Variants in SORCS1 observed in about 807,000 individuals in gnomAD.
SORCS1 encodes sortilin related VPS10 domain containing receptor 1.
A neutral mutation model predicts 146.1 loss-of-function variants in SORCS1; 60 were observed. The ratio of observed to expected loss-of-function variants is 0.41; its 90% CI spans 0.33 to 0.51. The LOEUF (loss-of-function observed/expected upper bound fraction) is 0.51. SORCS1 is among the 20% of genes least tolerant of loss of function. SORCS1 has a pLI of 0.21. For synonymous variants in SORCS1, 637 were observed against 584.0 expected (o/e 1.09, Z -1.31); for missense variants, 1,352 against 1,487.6 (o/e 0.91, Z 1.50).
At chr10:107,089,734 T>C (rs533535661) in intron 1 of SORCS1, among the ~76,000 whole-genome samples, 1 of 152,322 alleles carries the variant, frequency 6.6e-6, no homozygotes, top group South Asian at 2.1e-4. Flanking sequence ...ATTCCAGGTG[T>C]AAAATGAATA....
At chr10:106,608,104 G>A (rs1206955764) in intron 22 of SORCS1, among the ~76,000 whole-genome samples, 1 of 152,158 alleles carries the variant, frequency 6.6e-6, no homozygotes, top group Non-Finnish European at 1.5e-5. Flanking sequence ...TATAATCCCA[G>A]CTTCTCTCTC....
At chr10:107,124,988 C>T (rs1345909524) in intron 1 of SORCS1, among the ~76,000 whole-genome samples, 2 of 128,678 alleles carry the variant, frequency 1.6e-5, no homozygotes, top group Non-Finnish European at 3.1e-5. Context: ...GAGTCTTGCT[C>T]TGTTGCCAGG....
chr10:107,092,375 G>T (rs905555633), intron 1 of SORCS1, among the ~76,000 whole-genome samples: 18 of 152,206 alleles, frequency 1.2e-4, no homozygotes, highest in Admixed American at 2.0e-4. Flanking sequence ...ATTGTTTATG[G>T]TTGTGGAAGC....
At chr10:106,972,004 T>G (rs1232972499) in intron 1 of SORCS1, among the ~76,000 whole-genome samples, 1 of 152,212 alleles carries the variant, frequency 6.6e-6, no homozygotes, top group African/African-American at 2.4e-5. Context: ...AGAGCCAATT[T>G]TAACACTTTG....
chr10:106,631,250 C>G (rs1848424272), intron 18 of SORCS1, among the ~76,000 whole-genome samples: 1 of 152,198 alleles, frequency 6.6e-6, no homozygotes, highest in South Asian at 2.1e-4. Flanking sequence ...AAATTCTCCC[C>G]TAGGGTAAAC....
At chr10:106,868,411 A>G (rs551875714) in intron 2 of SORCS1, among the ~76,000 whole-genome samples, 1 of 152,324 alleles carries the variant, frequency 6.6e-6, no homozygotes, top group Admixed American at 6.5e-5. Flanking sequence ...TCATCGTCAT[A>G]TGGTGCATAA....
intron 1 of SORCS1, among the ~76,000 whole-genome samples, chr10:107,076,197 A>G (rs1414397503): frequency 6.6e-6 from 1 of 152,138 alleles, no homozygotes; most frequent in Non-Finnish European, 1.5e-5. Context: ...CTAGAACATT[A>G]GTACTATGAG....
intron 1 of SORCS1, among the ~76,000 whole-genome samples, chr10:107,015,752 GA>G (rs1957870381): frequency 6.6e-6 from 1 of 152,190 alleles, no homozygotes; most frequent in Non-Finnish European, 1.5e-5. Flanking sequence ...TGATGAATTA[GA>G]AGAGTTCATT....
At chr10:106,607,386 G>T in intron 22 of SORCS1, 89 bp from the exon 23 acceptor site, 2 of 1,528,382 alleles carry the variant, frequency 1.3e-6, no homozygotes, top group Admixed American at 2.0e-5. Context: ...TCAGGGGTAG[G>T]CAGAAGACAC....
At chr10:106,690,171 G>A (rs543798489) in intron 9 of SORCS1, among the ~76,000 whole-genome samples, 15 of 152,282 alleles carry the variant, frequency 9.9e-5, no homozygotes, top group East Asian at 3.9e-4. Flanking sequence ...CACCAGCTCC[G>A]CAAGGGCTTC....
At chr10:107,003,305 A>C (rs922133323) in intron 1 of SORCS1, among the ~76,000 whole-genome samples, 2 of 152,186 alleles carry the variant, frequency 1.3e-5, no homozygotes, top group Non-Finnish European at 2.9e-5. Flanking sequence ...CAGCATAAGT[A>C]ATATATTTGC....
At chr10:106,819,474 A>C (rs1947908200) in intron 3 of SORCS1, among the ~76,000 whole-genome samples, 1 of 152,176 alleles carries the variant, frequency 6.6e-6, no homozygotes, top group South Asian at 2.1e-4. Flanking sequence ...AGTGACAGGA[A>C]ATAGGTGCTG....
chr10:106,771,153 A>C (rs1859992137), intron 4 of SORCS1, among the ~76,000 whole-genome samples: 1 of 152,122 alleles, frequency 6.6e-6, no homozygotes, highest in Non-Finnish European at 1.5e-5. Context: ...CAGAGGCTCC[A>C]AGAGCCCTTA....
chr10:106,889,775 CT>C (rs1456920029), intron 2 of SORCS1, among the ~76,000 whole-genome samples: 4 of 151,562 alleles, frequency 2.6e-5, no homozygotes, highest in Non-Finnish European at 5.9e-5. Context: ...GTCCCAGCTA[CT>C]CGGGAGGCTG....
At chr10:106,697,359 G>T (rs1350882868) in intron 9 of SORCS1, among the ~76,000 whole-genome samples, 1 of 151,982 alleles carries the variant, frequency 6.6e-6, no homozygotes, top group Non-Finnish European at 1.5e-5. Flanking sequence ...GGGAGGCTGA[G>T]GAAGGAGAAT....
rs908677195 is a variant in SORCS1 at position 106,677,197 on chromosome 10, A to G, written c.1832+116T>C. The G allele has an allele frequency of 5.2e-5, 51 of 974,322 alleles. No homozygotes were observed. The Middle Eastern group carries it at 1.4e-3, about 28-fold the overall frequency. The allele number at this position is 974,322 out of a possible 1,614,324, so 60.4% of individuals were successfully genotyped here. On this transcript the variant is annotated intron_variant, in intron 13 of 25. Coordinates refer to ENST00000263054, the MANE Select transcript of SORCS1 (RefSeq NM_052918.5). ...AACAGGACCTGAACCAAACCTCGGC[A>G]TTTTGGTAACAGATTTACTACAGAA... is the stretch of plus-strand genomic sequence containing the variant.
intron 2 of SORCS1, among the ~76,000 whole-genome samples, chr10:106,937,109 A>C (rs1436846972): frequency 6.6e-6 from 1 of 152,026 alleles, no homozygotes; most frequent in Non-Finnish European, 1.5e-5. Flanking sequence ...GAGGTAACTG[A>C]ATCATGGGGG....
rs537769009 is a variant in SORCS1, at chr10:107,119,492, G to A, written c.558+44477C>T. On this transcript the variant is annotated intron_variant, in intron 1 of 25. Transcript: ENST00000263054. ...TAATCAGAAATATCTTACTGTGGCT[G>A]AGGCTTTGAAAATGTTACTTTGCTT... 3.3e-5 allele frequency among the ~76,000 whole-genome samples: 5 copies of A among 152,328 alleles called. No homozygotes were observed. In the East Asian group the frequency reaches 5.8e-4, roughly 18 times the overall value.
chr10:107,131,699 A>G (rs931043058), intron 1 of SORCS1, among the ~76,000 whole-genome samples: 1 of 152,200 alleles, frequency 6.6e-6, no homozygotes, highest in Non-Finnish European at 1.5e-5. Flanking sequence ...AGCCTGGGCC[A>G]CAAAGCAAGA....
Sources: gnomAD v4.1 joint callset for allele counts (sites outside exome capture counted in the v4.1 genomes callset) on GRCh38, gnomAD v4.1.1 for gene constraint, MANE v1.5 for transcripts, NCBI Gene and HGNC (gene_info 2026-07-23, HGNC 2026-07-21) for gene names.